The following SHB variants were observed in gnomAD, a reference collection of about 807,000 sequenced individuals.
SHB encodes the protein SH2 domain containing adaptor protein B, also known as SH2 domain-containing adapter protein B.
SHB carries 20 observed loss-of-function variants against 52.3 expected under a neutral mutation model. The ratio of observed to expected loss-of-function variants is 0.38; its 90% CI spans 0.27 to 0.56. The LOEUF is 0.56. Ranked by LOEUF, SHB falls within the 20% of genes least tolerant of loss-of-function variation. SHB has a pLI of 0.71. For synonymous variants in SHB, 397 were observed against 316.5 expected, an observed-to-expected ratio of 1.25 and a Z score of -2.70; for missense variants, 825 against 723.3, an observed-to-expected ratio of 1.14 and a Z score of -1.61.
intron 1 of SHB, among the ~76,000 whole-genome samples, chr9:38,064,728 AC>A (rs749979122): frequency 6.6e-6 from 1 of 152,082 alleles, no homozygotes; most frequent in Non-Finnish European, 1.5e-5. Flanking sequence ...TCCCCTCCTC[AC>A]TCACACTTGT....
rs1832120824 is a variant in SHB at position 37,917,848 on chromosome 9, T to TG, written c.*1972dup. Among the ~76,000 whole-genome samples the TG allele has an allele frequency of 6.6e-6, 1 of 152,192 alleles. No individual in the cohort carries two copies. Among genetic ancestry groups the TG allele is most frequent in the Non-Finnish European group, 1.5e-5 (1 of 68,040 alleles). On this transcript the variant is annotated 3_prime_UTR_variant, in exon 6 of 6. Transcript: ENST00000377707. ...TGGTCTCTATGAGGGCTGGGCCACG[T>TG]GGACGTGCCAGACAAGGCCTGGGAG...
At chr9:37,987,093 A>C (rs1161815940) in intron 2 of SHB, among the ~76,000 whole-genome samples, 1 of 152,218 alleles carries the variant, frequency 6.6e-6, no homozygotes, top group Non-Finnish European at 1.5e-5. Flanking sequence ...CTTCACCTGC[A>C]GCTCTCACAG....
At chr9:37,984,324 CA>C (rs2084151333) in intron 2 of SHB, among the ~76,000 whole-genome samples, 1 of 152,174 alleles carries the variant, frequency 6.6e-6, no homozygotes, top group South Asian at 2.1e-4. Flanking sequence ...AGCCTGTTGC[CA>C]TTTCTGGGTC....
rs747988553 is a variant in SHB at position 37,920,040 on chromosome 9, CCT to C, written c.1347-38_1347-37del. 1.2e-5 allele frequency: 19 copies of C among 1,564,898 alleles called. No homozygotes were observed. In the African/African-American group the frequency reaches 2.4e-4, roughly 20 times the overall value. Reference sequence around the variant, plus strand: ...AACACAGAGTTATCAGAACTACCCCCCTGACACTCAGGCTGAGGCCAAGGGTC... The same window carrying C: ...AACACAGAGTTATCAGAACTACCCCCGACACTCAGGCTGAGGCCAAGGGTC... On this transcript the variant is annotated intron_variant, in intron 5 of 5. Coordinates refer to ENST00000377707, the MANE Select transcript of SHB (RefSeq NM_003028.3).
chr9:38,043,629 C>G (rs1234175389), intron 1 of SHB, among the ~76,000 whole-genome samples: 1 of 152,166 alleles, frequency 6.6e-6, no homozygotes, highest in African/African-American at 2.4e-5. Flanking sequence ...GTGGCTCACA[C>G]CTGTAATCCC....
At chr9:38,011,480 C>A (rs1314646247) in intron 2 of SHB, among the ~76,000 whole-genome samples, 1 of 152,190 alleles carries the variant, frequency 6.6e-6, no homozygotes, top group Non-Finnish European at 1.5e-5. Flanking sequence ...ACCCAGATCC[C>A]TCCTATTCAG....
chr9:38,017,120 G>A (rs1189100741), intron 1 of SHB, among the ~76,000 whole-genome samples: 1 of 152,132 alleles, frequency 6.6e-6, no homozygotes, highest in Non-Finnish European at 1.5e-5. Context: ...TTTAGGAGAG[G>A]CACAGAACCC....
At chr9:38,056,281 T>TA (rs993676664) in intron 1 of SHB, among the ~76,000 whole-genome samples, 25 of 150,226 alleles carry the variant, frequency 1.7e-4, no homozygotes, top group East Asian at 3.9e-4. Flanking sequence ...AATTTTAATG[T>TA]AAAAAAAAAA....
chr9:37,994,256 CT>C (rs368935384), intron 2 of SHB, among the ~76,000 whole-genome samples: 36 of 152,252 alleles, frequency 2.4e-4, no homozygotes, highest in Admixed American at 1.4e-3. Flanking sequence ...CAACTTCTCT[CT>C]GCTTCCAGCT....
intron 5 of SHB, 31 bp from the exon 6 acceptor site, chr9:37,920,035 A>T (rs1564078968): frequency 7.6e-6 from 12 of 1,574,904 alleles, no homozygotes; most frequent in Non-Finnish European, 9.6e-6. Flanking sequence ...TATCAGAACT[A>T]CCCCCCTGAC....
At chr9:38,030,048 G>A (rs1821394361) in intron 1 of SHB, among the ~76,000 whole-genome samples, 1 of 152,206 alleles carries the variant, frequency 6.6e-6, no homozygotes, top group South Asian at 2.1e-4. Context: ...CTCACAGCCA[G>A]TGGGGAAAGG....
At chr9:37,985,417 G>A (rs1428442268) in intron 2 of SHB, among the ~76,000 whole-genome samples, 22 of 152,268 alleles carry the variant, frequency 1.4e-4, no homozygotes, top group Admixed American at 1.4e-3. Flanking sequence ...TTGCCGTGCA[G>A]CTCTGCAATG....
In SHB at chr9:38,068,077, C is replaced by T. The variant is rs1821995965; in HGVS notation, c.569G>A (p.Ser190Asn). The T allele has an allele frequency of 1.3e-6, 2 of 1,494,648 alleles. No individual in the cohort carries two copies. Among genetic ancestry groups the T allele is most frequent in the Non-Finnish European group, 1.8e-6 (2 of 1,132,572 alleles). 92.6% of individuals were successfully genotyped at this position (1,494,648 alleles called of 1,614,324 possible). A position where few individuals can be genotyped will look rare whatever the true frequency, so the allele number is the denominator to read the frequency against. The change falls in exon 1 of 6, where the codon AGC becomes AAC. Residue 190 changes from serine to asparagine, a missense_variant. Ser to Asn is a conservative substitution (Grantham distance 46). Coordinates refer to ENST00000377707, the MANE Select transcript of SHB (RefSeq NM_003028.3). ...SPKHRLIKVE[S>N]AAGGGAGDPL... ...GTCCCCGGCCCCACCGCCCGCGGCG[C>T]TCTCCACTTTGATGAGGCGGTGCTT... is the stretch of plus-strand genomic sequence containing the variant.
chr9:38,012,101 C>T lies in SHB; in HGVS notation c.838+3910G>A, dbSNP rs141757448. 4.9e-4 allele frequency among the ~76,000 whole-genome samples: 75 copies of T among 152,292 alleles called. 2 individuals carry two copies. In the South Asian group the frequency reaches 0.014, roughly 29 times the overall value. ...TGGGAGAAACAGGCACACTTCCTCA[C>T]GCCTTCCATCCTAGCTGTAGTCCAC... On this transcript the variant is annotated intron_variant, in intron 2 of 5. Coordinates refer to ENST00000377707, the MANE Select transcript of SHB (RefSeq NM_003028.3).
rs74171537 is a variant in SHB, at chr9:37,932,562, CA to C, written c.1347-12559del. Among the ~76,000 whole-genome samples the C allele has an allele frequency of 7.3e-3, 637 of 86,724 alleles. 4 individuals carry two copies. Among genetic ancestry groups the C allele is most frequent in the African/African-American group, 0.019 (471 of 24,166 alleles). The allele number at this position is 86,724 out of a possible 152,430, so 56.9% of individuals were successfully genotyped here. On this transcript the variant is annotated intron_variant, in intron 5 of 5. Coordinates refer to ENST00000377707, the MANE Select transcript of SHB (RefSeq NM_003028.3). ...GAGTAGATGTTAGCTGCTCTAGCCA[CA>C]AAAAAAAAAAAAAAAAAAGGTAACT...
At chr9:37,920,137 G>T (rs1239842095) in intron 5 of SHB, 133 bp from the exon 6 acceptor site, 60 of 688,508 alleles carry the variant, frequency 8.7e-5, no homozygotes, top group Non-Finnish European at 5.5e-5. Flanking sequence ...TCCAAGCCAG[G>T]ACCGAGGCCC....
chr9:37,956,169 G>A (rs2117914494), intron 3 of SHB, 115 bp from the exon 4 acceptor site: 1 of 961,348 alleles, frequency 1.0e-6, no homozygotes, highest in East Asian at 2.6e-5. Context: ...CTTGCAGGAG[G>A]AAGGGTTTCA....
intron 5 of SHB, among the ~76,000 whole-genome samples, chr9:37,940,439 C>A (rs1338265198): frequency 6.6e-6 from 1 of 152,222 alleles, no homozygotes; most frequent in Non-Finnish European, 1.5e-5. Context: ...TTGCCTACAG[C>A]AGTGGCTTCT....
At chr9:37,930,375 A>G (rs1427906494) in intron 5 of SHB, among the ~76,000 whole-genome samples, 2 of 150,174 alleles carry the variant, frequency 1.3e-5, no homozygotes, top group Non-Finnish European at 1.5e-5. Flanking sequence ...AGCAGACTAG[A>G]GTCTGCAGTA....
Sources: allele counts gnomAD v4.1 joint callset (sites outside exome capture counted in the v4.1 genomes callset), GRCh38; gene constraint gnomAD v4.1.1; transcripts MANE v1.5; gene names NCBI Gene and HGNC (gene_info 2026-07-23, HGNC 2026-07-21).